The following DLG2 variants were observed in gnomAD, a reference collection of about 807,000 sequenced individuals.
The protein encoded by DLG2 is disks large homolog 2.
DLG2 carries 45 observed loss-of-function variants against 132.5 expected under a neutral mutation model. The observed-to-expected ratio is 0.34, with a 90% CI of 0.27 to 0.44. DLG2 has a LOEUF of 0.44. Among genes scored for constraint, DLG2 ranks in the 20% least tolerant of loss-of-function variants. DLG2 has a pLI of 1.00. For missense variants in DLG2, 1,045 were observed against 1,196.9 expected (o/e 0.87, Z 1.87); for synonymous variants, 424 against 419.6 (o/e 1.01, Z -0.13).
intron 6 of DLG2, among the ~76,000 whole-genome samples, chr11:85,073,937 TC>T (rs2066192808): frequency 6.6e-6 from 1 of 151,878 alleles, no homozygotes; most frequent in African/African-American, 2.4e-5. Context: ...CAAGATAATG[TC>T]CTTTGCAGCA....
intron 6 of DLG2, among the ~76,000 whole-genome samples, chr11:85,047,767 TA>T (rs2062489410): frequency 6.6e-6 from 1 of 151,776 alleles, no homozygotes. Flanking sequence ...AAAAACTAAA[TA>T]AAAAATGAAT....
At position 83,825,187 on chromosome 11, in the gene DLG2, T is replaced by A. The variant is rs1229252087; in HGVS notation, c.1722+8427A>T. On this transcript the variant is annotated intron_variant, in intron 17 of 27. Transcript: ENST00000376104. ...TATATATATATTTTTTTTTTTTTTT[T>A]TTTTTTTTTTTGAGATGGAATTTCA... Among the ~76,000 whole-genome samples the A allele has an allele frequency of 7.6e-3, 870 of 114,372 alleles. 16 individuals are homozygous for A. Among genetic ancestry groups the A allele is most frequent in the African/African-American group, 0.03 (842 of 28,012 alleles). 75.0% of individuals were successfully genotyped at this position (114,372 alleles called of 152,430 possible).
chr11:84,874,412 C>T (rs1410379009), intron 6 of DLG2, among the ~76,000 whole-genome samples: 1 of 152,106 alleles, frequency 6.6e-6, no homozygotes, highest in Admixed American at 6.6e-5. Context: ...GAAAGAAGAG[C>T]AGTGAGGCTG....
At chr11:84,833,133 T>C (rs954219230) in intron 6 of DLG2, among the ~76,000 whole-genome samples, 4 of 151,638 alleles carry the variant, frequency 2.6e-5, no homozygotes, top group African/African-American at 4.8e-5. Flanking sequence ...GCCTTCTCTA[T>C]TTAGTGAAAT....
intron 3 of DLG2, among the ~76,000 whole-genome samples, chr11:85,588,283 T>C (rs1481456893): frequency 5.3e-5 from 8 of 152,200 alleles, no homozygotes; most frequent in Non-Finnish European, 1.5e-5. Context: ...TCAATTATGT[T>C]TCCCAAACTT....
At chr11:83,799,142 A>T (rs931247224) in intron 17 of DLG2, among the ~76,000 whole-genome samples, 3 of 152,276 alleles carry the variant, frequency 2.0e-5, no homozygotes, top group African/African-American at 7.2e-5. Context: ...ATCTTACCAC[A>T]TACTTATGTG....
At chr11:84,684,011 T>A (rs1456723749) in intron 6 of DLG2, among the ~76,000 whole-genome samples, 1 of 152,320 alleles carries the variant, frequency 6.6e-6, no homozygotes, top group East Asian at 1.9e-4. Context: ...CTTGCATGAA[T>A]GTAGTTTTTC....
rs563830580 is a variant in DLG2, at chr11:85,506,406, G to C, written c.40+92251C>G. Reference sequence around the variant, plus strand: ...CTTTAAATGTGTCCCAGATATTCTGGTATGTTGTGTCTTTGTTCTCATTGG... The same window carrying C: ...CTTTAAATGTGTCCCAGATATTCTGCTATGTTGTGTCTTTGTTCTCATTGG... On this transcript the variant is annotated intron_variant, in intron 3 of 27. Coordinates refer to ENST00000376104, the MANE Select transcript of DLG2 (RefSeq NM_001142699.3). 8.5e-5 allele frequency among the ~76,000 whole-genome samples: 13 copies of C among 152,232 alleles called. No individual in the cohort carries two copies. In the East Asian group the frequency reaches 2.3e-3, roughly 27 times the overall value.
chr11:84,971,415 T>C (rs2054082835), intron 6 of DLG2, among the ~76,000 whole-genome samples: 1 of 152,184 alleles, frequency 6.6e-6, no homozygotes, highest in Admixed American at 6.5e-5. Context: ...TTGTGAGTTA[T>C]GCTGATAAAA....
intron 4 of DLG2, among the ~76,000 whole-genome samples, chr11:85,174,988 C>A (rs2079121016): frequency 6.6e-6 from 1 of 151,630 alleles, no homozygotes; most frequent in Non-Finnish European, 1.5e-5. Flanking sequence ...GCCTAGCAAC[C>A]AAAAAAAGCC....
intron 15 of DLG2, among the ~76,000 whole-genome samples, chr11:83,910,464 A>G (rs1050519416): frequency 6.6e-6 from 1 of 152,146 alleles, no homozygotes; most frequent in African/African-American, 2.4e-5. Flanking sequence ...ACCGTGGAGA[A>G]CTTGTTTTCT....
At chr11:84,811,526 A>G (rs774558251) in intron 6 of DLG2, among the ~76,000 whole-genome samples, 1 of 152,158 alleles carries the variant, frequency 6.6e-6, no homozygotes, top group Non-Finnish European at 1.5e-5. Context: ...GGAAAATAAC[A>G]TTAGGATGAG....
At chr11:84,993,110 T>C (rs980332786) in intron 6 of DLG2, among the ~76,000 whole-genome samples, 2 of 152,092 alleles carry the variant, frequency 1.3e-5, no homozygotes, top group African/African-American at 4.8e-5. Flanking sequence ...AAAGAATGAG[T>C]TCACGTCCTT....
chr11:83,992,110 T>C (rs2093752334), intron 11 of DLG2, among the ~76,000 whole-genome samples: 2 of 152,146 alleles, frequency 1.3e-5, no homozygotes, highest in African/African-American at 4.8e-5. Flanking sequence ...CTCTTGCATT[T>C]CTAAGTTGTA....
intron 16 of DLG2, among the ~76,000 whole-genome samples, chr11:83,869,023 T>C (rs2062928424): frequency 1.3e-5 from 2 of 152,278 alleles, no homozygotes; most frequent in South Asian, 4.1e-4. Context: ...TAAGCCAAAA[T>C]TTTGTCTCCA....
chr11:84,440,933 C>G (rs2099015340), intron 7 of DLG2, among the ~76,000 whole-genome samples: 1 of 151,916 alleles, frequency 6.6e-6, no homozygotes, highest in Admixed American at 6.6e-5. Context: ...AAAACAGAGC[C>G]AAAATTCAAT....
At chr11:85,007,011 G>A (rs625380) in intron 6 of DLG2, among the ~76,000 whole-genome samples, 105,856 of 150,888 alleles carry the variant, frequency 0.7, 37,951 homozygotes, top group East Asian at 0.92. Context: ...TTGAGAACTT[G>A]ATTTATTTTC....
intron 3 of DLG2, among the ~76,000 whole-genome samples, chr11:85,474,714 T>C (rs2093087246): frequency 6.6e-6 from 1 of 151,800 alleles, no homozygotes; most frequent in South Asian, 2.1e-4. Flanking sequence ...TCAAGTGTGA[T>C]TAAAACAACT....
intron 6 of DLG2, among the ~76,000 whole-genome samples, chr11:85,027,767 T>C (rs2060658403): frequency 6.6e-6 from 1 of 152,186 alleles, no homozygotes; most frequent in Admixed American, 6.5e-5. Flanking sequence ...ACTGGGAAGC[T>C]TGGAGACACC....
Sources: allele counts gnomAD v4.1 joint callset (sites outside exome capture counted in the v4.1 genomes callset), GRCh38; gene constraint gnomAD v4.1.1; transcripts MANE v1.5; gene names NCBI Gene and HGNC (gene_info 2026-07-23, HGNC 2026-07-21).